SDCCAG8: variants seen among roughly 807,000 people sequenced by gnomAD.
SDCCAG8 encodes the protein SHH signaling and ciliogenesis regulator SDCCAG8.
A neutral mutation model predicts 101.8 loss-of-function variants in SDCCAG8; 74 were observed. The ratio of observed to expected loss-of-function variants is 0.73; its 90% confidence interval spans 0.60 to 0.88. The LOEUF is 0.88. Among genes scored for constraint, SDCCAG8 ranks in the 40% least tolerant of loss-of-function variants. The pLI, the probability that SDCCAG8 is intolerant of heterozygous loss-of-function variation, is 0.00. For missense variants in SDCCAG8, 787 were observed against 822.6 expected (o/e 0.96, Z 0.53); for synonymous variants, 281 against 292.9 (o/e 0.96, Z 0.41).
rs1662044025 is a variant in SDCCAG8, at chr1:243,474,737, G to A, written c.1986-14277G>A. On this transcript the variant is annotated intron_variant, in intron 16 of 17. Coordinates refer to ENST00000366541, the MANE Select transcript of SDCCAG8 (RefSeq NM_006642.5). The surrounding 1 kb of genome is among the most constrained non-coding windows in gnomAD (Gnocchi z 4.7). ...GCAGGCTGGGAGCTCCCGGGACGCG[G>A]CGTGGCAGCGCAGGGCTCGGCTAGA... Among the ~76,000 whole-genome samples, 1 of 152,240 alleles carries A rather than the reference G, an allele frequency of 6.6e-6. No homozygotes were observed. Among genetic ancestry groups the A allele is most frequent in the Non-Finnish European group, 1.5e-5 (1 of 68,038 alleles).
At chr1:243,406,258 G>C (rs1289593787) in intron 13 of SDCCAG8, among the ~76,000 whole-genome samples, 1 of 152,176 alleles carries the variant, frequency 6.6e-6, no homozygotes, top group Non-Finnish European at 1.5e-5. Context: ...ATTATTTAGG[G>C]TGATGAATTG....
At chr1:243,353,815 T>A (rs1286745498) in intron 12 of SDCCAG8, among the ~76,000 whole-genome samples, 1 of 152,180 alleles carries the variant, frequency 6.6e-6, no homozygotes, top group East Asian at 1.9e-4. Context: ...ATGGTATCGT[T>A]TGGGAATGTA....
chr1:243,407,495 T>A (rs2079869841), intron 13 of SDCCAG8, among the ~76,000 whole-genome samples: 1 of 152,186 alleles, frequency 6.6e-6, no homozygotes, highest in Non-Finnish European at 1.5e-5. Flanking sequence ...TGATAGAGTC[T>A]GTGGTTTTGT....
chr1:243,287,789 T>C (rs1245232359), intron 5 of SDCCAG8, among the ~76,000 whole-genome samples: 2 of 152,218 alleles, frequency 1.3e-5, no homozygotes, highest in Non-Finnish European at 2.9e-5. Flanking sequence ...CAATTATTCA[T>C]AGTCCTCAGT....
At chr1:243,318,312 A>AT (rs1321220597) in intron 9 of SDCCAG8, among the ~76,000 whole-genome samples, 1 of 152,216 alleles carries the variant, frequency 6.6e-6, no homozygotes, top group African/African-American at 2.4e-5. Context: ...ATAAGAACTT[A>AT]TGAGCACAAA....
intron 12 of SDCCAG8, among the ~76,000 whole-genome samples, chr1:243,365,494 A>G (rs1197660351): frequency 6.6e-6 from 1 of 152,222 alleles, no homozygotes; most frequent in Admixed American, 6.5e-5. Flanking sequence ...TTTAGCAATC[A>G]GAATATTTGA....
intron 13 of SDCCAG8, among the ~76,000 whole-genome samples, chr1:243,388,147 C>T (rs1159261827): frequency 6.6e-6 from 1 of 152,150 alleles, no homozygotes; most frequent in East Asian, 1.9e-4. Context: ...CATGTACAAT[C>T]CAGGTGCAGC....
At chr1:243,472,649 A>G (rs554586657) in intron 16 of SDCCAG8, among the ~76,000 whole-genome samples, 39 of 152,348 alleles carry the variant, frequency 2.6e-4, no homozygotes, top group African/African-American at 8.7e-4. Flanking sequence ...ACTTCGAGCA[A>G]TGAAAATACA....
chr1:243,332,506 CTCTGGAGGTGATTTTCGCAGTCCAGG>C (rs964443379), intron 10 of SDCCAG8, among the ~76,000 whole-genome samples: 1 of 149,332 alleles, frequency 6.7e-6, no homozygotes, highest in African/African-American at 2.5e-5. Context: ...CATAATCCAG[CTCTGGAGGTGATTTTCGCAGTCCAGG>C]TCTGGAGGTG....
At chr1:243,489,208 C>T in intron 17 of SDCCAG8, 68 bp downstream of exon 17, 2 of 1,570,098 alleles carry the variant, frequency 1.3e-6, no homozygotes, top group South Asian at 2.3e-5. Context: ...CTTTTATGCA[C>T]CTCAACAGGC....
intron 16 of SDCCAG8, among the ~76,000 whole-genome samples, chr1:243,484,386 T>C (rs1057193618): frequency 6.6e-6 from 1 of 152,246 alleles, no homozygotes; most frequent in African/African-American, 2.4e-5. Context: ...CATCCCAGCT[T>C]GCCCGCTGAG....
At chr1:243,266,921 C>T (rs1429900216) in intron 1 of SDCCAG8, among the ~76,000 whole-genome samples, 1 of 113,970 alleles carries the variant, frequency 8.8e-6, no homozygotes, top group African/African-American at 3.3e-5. Flanking sequence ...CCAGCCTGGG[C>T]AACAAGAGTG....
intron 1 of SDCCAG8, 30 bp downstream of exon 1, chr1:243,256,270 C>G (rs1418066887): frequency 6.3e-7 from 1 of 1,599,170 alleles, no homozygotes; most frequent in Admixed American, 1.7e-5. Context: ...TGTCCCTAGC[C>G]CCGAGGTGCC....
chr1:243,337,670 T>C (rs1303215382), intron 10 of SDCCAG8, among the ~76,000 whole-genome samples: 4 of 152,236 alleles, frequency 2.6e-5, no homozygotes, highest in African/African-American at 7.2e-5. Flanking sequence ...TTAGAAAATA[T>C]CTAATATAAT....
intron 10 of SDCCAG8, among the ~76,000 whole-genome samples, chr1:243,333,345 A>G (rs2074763728): frequency 6.6e-6 from 1 of 152,138 alleles, no homozygotes; most frequent in South Asian, 2.1e-4. Context: ...GTGGTTCTTA[A>G]TTTTTGGCAC....
chr1:243,334,084 C>T (rs2074821456), intron 10 of SDCCAG8, among the ~76,000 whole-genome samples: 1 of 152,154 alleles, frequency 6.6e-6, no homozygotes, highest in Admixed American at 6.5e-5. Context: ...CTTTTCTCCC[C>T]CGTCTTTCTC....
At chr1:243,278,504 C>A (rs1429065703) in intron 4 of SDCCAG8, among the ~76,000 whole-genome samples, 1 of 152,176 alleles carries the variant, frequency 6.6e-6, no homozygotes, top group South Asian at 2.1e-4. Context: ...CAGGCATGAG[C>A]CACTGTGCCC....
At chr1:243,404,316 C>A (rs2079607882) in intron 13 of SDCCAG8, among the ~76,000 whole-genome samples, 1 of 152,102 alleles carries the variant, frequency 6.6e-6, no homozygotes, top group South Asian at 2.1e-4. Flanking sequence ...CGCTCTGTAG[C>A]TACAGGAATG....
At chr1:243,395,021 AT>A (rs1447684491) in intron 13 of SDCCAG8, among the ~76,000 whole-genome samples, 1 of 151,994 alleles carries the variant, frequency 6.6e-6, no homozygotes, top group Non-Finnish European at 1.5e-5. Flanking sequence ...AAAAGTAATG[AT>A]TTCGTTTCCC....
Sources: allele counts gnomAD v4.1 joint callset (sites outside exome capture counted in the v4.1 genomes callset), GRCh38; gene constraint gnomAD v4.1.1; non-coding constraint Gnocchi (gnomAD v3.1); transcripts MANE v1.5; gene names NCBI Gene and HGNC (gene_info 2026-07-23, HGNC 2026-07-21).